Variants in HIP1 observed in about 807,000 individuals in gnomAD.
HIP1 encodes huntingtin interacting protein 1, also known as huntingtin-interacting protein 1.
A neutral mutation model predicts 147.6 loss-of-function variants in HIP1; 65 were observed. The observed-to-expected ratio is 0.44, with a 90% CI of 0.36 to 0.54. The LOEUF is 0.54. HIP1 is among the 20% of genes least tolerant of loss of function. The pLI is 0.00. For missense variants in HIP1, 1,061 were observed against 1,299.6 expected (o/e 0.82, Z 2.82); for synonymous variants, 479 against 504.0 (o/e 0.95, Z 0.67).
At chr7:75,648,310 A>G (rs549535712) in intron 1 of HIP1, among the ~76,000 whole-genome samples, 4 of 145,438 alleles carry the variant, frequency 2.8e-5, no homozygotes, top group South Asian at 4.5e-4. Context: ...GTTGGGGCTG[A>G]TTGGAGTAGC....
intron 2 of HIP1, among the ~76,000 whole-genome samples, chr7:75,595,224 CTTT>C: frequency 1.0e-5 from 1 of 100,072 alleles, no homozygotes; most frequent in East Asian, 2.7e-4. Context: ...TTCTTTCTTT[CTTT>C]CTTTCTTTCT....
At chr7:75,551,953 G>A (rs920357064) in intron 22 of HIP1, among the ~76,000 whole-genome samples, 3 of 151,696 alleles carry the variant, frequency 2.0e-5, no homozygotes, top group East Asian at 1.9e-4. Context: ...GCAAAGGCAC[G>A]ATCTTAGCTC....
chr7:75,555,028 A>C (rs782151416), intron 19 of HIP1, among the ~76,000 whole-genome samples: 4 of 151,948 alleles, frequency 2.6e-5, no homozygotes, highest in Non-Finnish European at 5.9e-5. Flanking sequence ...CAACAAACCG[A>C]AACCAAAAAT....
At position 75,547,813 on chromosome 7, in the gene HIP1, C is replaced by T. The variant is rs142174653; in HGVS notation, c.2407G>A (p.Glu803Lys). ...CCTGCTCGGGATTTGCTGAGCATCT[C>T]CTGTGAAAAAGAAGCATGGTTTCTA... is the stretch of plus-strand genomic sequence containing the variant. Reference protein sequence around the residue: ...AIETATARIEEMLSKSRAGDT... With the variant: ...AIETATARIEKMLSKSRAGDT... The change falls in exon 24 of 31, where the codon GAG becomes AAG. Residue 803 changes from glutamate (E) to lysine (K), a missense_variant and splice_region_variant. Around this residue, in one of 3 missense-constraint regions of HIP1, gnomAD observed 810 missense variants for 946.8 expected, o/e 0.86. Coordinates refer to ENST00000336926, the MANE Select transcript of HIP1 (RefSeq NM_005338.7). 6.2e-7 allele frequency: 1 copy of T among 1,613,454 alleles called. No individual in the cohort carries two copies. The highest frequency in any genetic ancestry group is 8.5e-7 in the Non-Finnish European group (1 of 1,179,606).
At chr7:75,720,472 C>T (rs561163728) in intron 1 of HIP1, among the ~76,000 whole-genome samples, 2 of 152,142 alleles carry the variant, frequency 1.3e-5, no homozygotes, top group African/African-American at 4.8e-5. Flanking sequence ...CAAGTTTCTT[C>T]TTAAAAGTTA....
At chr7:75,718,381 A>G (rs980047172) in intron 1 of HIP1, among the ~76,000 whole-genome samples, 2 of 152,160 alleles carry the variant, frequency 1.3e-5, no homozygotes, top group Admixed American at 6.5e-5. Context: ...AAAAAAGATT[A>G]GCTGATTACC....
chr7:75,625,063 C>T (rs1392407159), intron 1 of HIP1: 1 of 151,940 alleles, frequency 6.6e-6, no homozygotes, highest in East Asian at 1.9e-4. Context: ...CACCTGCCAC[C>T]ACGGCCAGCT....
At chr7:75,562,655 G>T (rs1360791246) in intron 11 of HIP1, among the ~76,000 whole-genome samples, 1 of 152,046 alleles carries the variant, frequency 6.6e-6, no homozygotes, top group Non-Finnish European at 1.5e-5. Context: ...TAAAGATGGG[G>T]CCTTACTATG....
intron 1 of HIP1, among the ~76,000 whole-genome samples, chr7:75,729,194 C>T (rs1306669120): frequency 2.1e-5 from 3 of 145,736 alleles, no homozygotes; most frequent in Non-Finnish European, 4.5e-5. Flanking sequence ...CATTGTTGGG[C>T]CAGGTGCAGT....
intron 2 of HIP1, among the ~76,000 whole-genome samples, chr7:75,597,699 C>T (rs1554502189): frequency 7.1e-6 from 1 of 141,292 alleles, no homozygotes; most frequent in Non-Finnish European, 1.5e-5. Context: ...GAGATCATGC[C>T]ACTGCACTCC....
At chr7:75,593,263 C>G (rs1300503166) in intron 2 of HIP1, among the ~76,000 whole-genome samples, 1 of 152,164 alleles carries the variant, frequency 6.6e-6, no homozygotes, top group Non-Finnish European at 1.5e-5. Flanking sequence ...ACCACTGTGT[C>G]TGGCCTTATG....
chr7:75,591,418 C>T (rs587597260), intron 4 of HIP1, among the ~76,000 whole-genome samples: 4 of 152,116 alleles, frequency 2.6e-5, no homozygotes, highest in East Asian at 1.9e-4. Context: ...GGTGTGTGTA[C>T]AGAAATGCTC....
intron 1 of HIP1, among the ~76,000 whole-genome samples, chr7:75,725,915 G>A (rs909931170): frequency 1.3e-5 from 2 of 148,766 alleles, no homozygotes; most frequent in African/African-American, 5.0e-5. Context: ...TCCATCTCCC[G>A]GATTCAAGCA....
chr7:75,664,458 ATGTG>A (rs139811135), intron 1 of HIP1, among the ~76,000 whole-genome samples: 29 of 127,214 alleles, frequency 2.3e-4, no homozygotes, highest in East Asian at 7.8e-4. Context: ...ACACATACAT[ATGTG>A]TGTGTGTATA....
intron 15 of HIP1, 64 bp from the exon 16 acceptor site, chr7:75,557,834 G>T: frequency 1.6e-6 from 2 of 1,229,738 alleles, no homozygotes; most frequent in Non-Finnish European, 2.4e-6. Flanking sequence ...CCTCCTTCTA[G>T]GACAATCATA....
In HIP1 at chr7:75,630,488, C is replaced by T. The variant is rs923151174; in HGVS notation, c.121-31241G>A. Among the ~76,000 whole-genome samples the T allele has an allele frequency of 7.3e-4, 109 of 150,124 alleles. No homozygotes were observed. The East Asian group carries it at 0.021, about 29-fold the overall frequency. On this transcript the variant is annotated intron_variant, in intron 1 of 30. Coordinates refer to ENST00000336926, the MANE Select transcript of HIP1 (RefSeq NM_005338.7). ...AAAAAAAAAAAAAAAGATTTGTGTT[C>T]TGTATCCTGGAAACTTTGTTAGCCC...
chr7:75,537,191 G>A lies in HIP1; in HGVS notation c.*981C>T, dbSNP rs914803164. 10 of 232,784 alleles carry A rather than the reference G, an allele frequency of 4.3e-5. No individual in the cohort carries two copies. Among genetic ancestry groups the A allele is most frequent in the Non-Finnish European group, 7.7e-5 (9 of 117,646 alleles). 14.4% of individuals were successfully genotyped at this position (232,784 alleles called of 1,614,324 possible). On this transcript the variant is annotated 3_prime_UTR_variant, in exon 31 of 31. Coordinates refer to ENST00000336926, the MANE Select transcript of HIP1 (RefSeq NM_005338.7). ...TGATCAAGTTTTTGAGCCTCGTCAC[G>A]GGAACTGGGCTGTGTGAACCCTCTT...
chr7:75,640,683 G>A (rs1442152609), intron 1 of HIP1, among the ~76,000 whole-genome samples: 4 of 151,680 alleles, frequency 2.6e-5, no homozygotes, highest in African/African-American at 7.3e-5. Flanking sequence ...AACCTGGGAG[G>A]CAGAGGTTGC....
intron 5 of HIP1, 127 bp downstream of exon 5, chr7:75,586,626 G>A (rs1796294618): frequency 1.5e-6 from 1 of 682,732 alleles, no homozygotes; most frequent in South Asian, 1.7e-5. Flanking sequence ...GGTACATGAT[G>A]TGCACACTTC....
Sources: gnomAD v4.1 joint callset for allele counts (sites outside exome capture counted in the v4.1 genomes callset) on GRCh38, gnomAD v4.1.1 for gene constraint, gnomAD v4.1.1 regional missense constraint, MANE v1.5 for transcripts, NCBI Gene and HGNC (gene_info 2026-07-23, HGNC 2026-07-21) for gene names.